Variants in VPS50 observed in about 807,000 individuals in gnomAD.
VPS50 encodes the protein VPS50 subunit of EARP/GARPII complex.
VPS50 carries 70 observed loss-of-function variants against 139.7 expected under a neutral mutation model. The ratio of observed to expected loss-of-function variants is 0.50; its 90% confidence interval spans 0.41 to 0.61. VPS50 has a LOEUF of 0.61. Among genes scored for constraint, VPS50 ranks in the 20% least tolerant of loss-of-function variants. VPS50 has a pLI of 0.00. For missense variants in VPS50, 921 were observed against 1,133.7 expected, an observed-to-expected ratio of 0.81 and a Z score of 2.69; for synonymous variants, 365 against 376.7, an observed-to-expected ratio of 0.97 and a Z score of 0.36.
chr7:93,327,346 G>T (rs1436539115), intron 21 of VPS50, among the ~76,000 whole-genome samples: 1 of 152,004 alleles, frequency 6.6e-6, no homozygotes, highest in Non-Finnish European at 1.5e-5. Context: ...AACAGTTCCA[G>T]ACCACATTAT....
At chr7:93,262,507 T>G (rs1332985786) in intron 9 of VPS50, among the ~76,000 whole-genome samples, 1 of 152,204 alleles carries the variant, frequency 6.6e-6, no homozygotes, top group Non-Finnish European at 1.5e-5. Context: ...CATGCTATGT[T>G]TAGATATGTG....
intron 11 of VPS50, among the ~76,000 whole-genome samples, chr7:93,274,302 C>T (rs76427975): frequency 2.0e-5 from 3 of 152,156 alleles, no homozygotes; most frequent in Non-Finnish European, 2.9e-5. Context: ...TAAGTCAATG[C>T]CTGGCTTCAA....
At chr7:93,314,816 A>G (rs1433528581) in intron 20 of VPS50, among the ~76,000 whole-genome samples, 3 of 151,796 alleles carry the variant, frequency 2.0e-5, no homozygotes, top group Admixed American at 2.0e-4. Context: ...CAAGAGATCC[A>G]CTCCTTCATT....
intron 9 of VPS50, among the ~76,000 whole-genome samples, chr7:93,266,808 G>A (rs1007281932): frequency 1.3e-5 from 2 of 152,120 alleles, no homozygotes; most frequent in Admixed American, 6.6e-5. Flanking sequence ...TTCTTTAAAA[G>A]CTGTACAGTT....
intron 21 of VPS50, among the ~76,000 whole-genome samples, chr7:93,328,282 A>G (rs573131663): frequency 1.3e-4 from 20 of 152,320 alleles, no homozygotes; most frequent in African/African-American, 4.6e-4. Flanking sequence ...GTAAACACAT[A>G]GCAGACACTC....
intron 15 of VPS50, 64 bp from the exon 16 acceptor site, chr7:93,297,081 A>T: frequency 1.3e-6 from 2 of 1,518,786 alleles, no homozygotes; most frequent in Non-Finnish European, 1.7e-6. Context: ...AGAAAGAGAA[A>T]CCACACTTCT....
At chr7:93,280,195 CT>C (rs556070432) in intron 12 of VPS50, among the ~76,000 whole-genome samples, 6 of 152,032 alleles carry the variant, frequency 3.9e-5, no homozygotes, top group East Asian at 1.9e-4. Context: ...GTTGAATGTA[CT>C]TTTTTTTCTT....
intron 11 of VPS50, 118 bp from the exon 12 acceptor site, chr7:93,276,047 A>G (rs1056277302): frequency 8.6e-5 from 82 of 949,896 alleles, no homozygotes; most frequent in Admixed American, 2.6e-5. Context: ...TGGGAAAACT[A>G]TTATCTTTGT....
intron 1 of VPS50, among the ~76,000 whole-genome samples, chr7:93,238,729 G>C (rs893538187): frequency 2.6e-5 from 4 of 152,110 alleles, no homozygotes; most frequent in African/African-American, 9.7e-5. Flanking sequence ...CATGATCCAA[G>C]GGTTATACTG....
intron 12 of VPS50, among the ~76,000 whole-genome samples, chr7:93,282,920 G>T (rs1239364512): frequency 6.6e-6 from 1 of 152,156 alleles, no homozygotes; most frequent in Non-Finnish European, 1.5e-5. Flanking sequence ...AGCTAATTTT[G>T]TAGTATATAA....
chr7:93,262,503 A>G (rs774754050), intron 9 of VPS50, among the ~76,000 whole-genome samples: 2 of 152,240 alleles, frequency 1.3e-5, no homozygotes, highest in African/African-American at 4.8e-5. Context: ...GAAGCATGCT[A>G]TGTTTAGATA....
At chr7:93,344,442 G>A (rs551225725) in intron 23 of VPS50, among the ~76,000 whole-genome samples, 1 of 152,162 alleles carries the variant, frequency 6.6e-6, no homozygotes, top group East Asian at 1.9e-4. Context: ...AGTTAACAAG[G>A]ATACCCAGGA....
chr7:93,276,529 A>C, intron 12 of VPS50: 27 of 563,356 alleles, frequency 4.8e-5, no homozygotes, highest in Non-Finnish European at 4.6e-5. Context: ...TTGCTTCTCA[A>C]TCGACTCTTT....
chr7:93,287,514 G>A (rs1796526914), intron 12 of VPS50, among the ~76,000 whole-genome samples: 1 of 150,092 alleles, frequency 6.7e-6, no homozygotes, highest in East Asian at 1.9e-4. Flanking sequence ...TTAATTTTCT[G>A]GTTTGTTAAA....
intron 21 of VPS50, among the ~76,000 whole-genome samples, chr7:93,325,435 C>T (rs1304632972): frequency 6.6e-6 from 1 of 151,662 alleles, no homozygotes; most frequent in African/African-American, 2.4e-5. Flanking sequence ...GCAACAAAAG[C>T]CAAAGTTGAC....
chr7:93,258,132 T>C (rs892483584), intron 6 of VPS50, 27 bp from the exon 7 acceptor site: 6 of 950,166 alleles, frequency 6.3e-6, no homozygotes, highest in Non-Finnish European at 1.0e-5. Context: ...TAAAAAACTT[T>C]TAACTATTTA....
At chr7:93,328,551 A>C (rs562568847) in intron 21 of VPS50, among the ~76,000 whole-genome samples, 129 of 152,350 alleles carry the variant, frequency 8.5e-4, no homozygotes, top group Non-Finnish European at 1.4e-3. Flanking sequence ...AGAAAAGGCA[A>C]CTATTTGAAG....
intron 16 of VPS50, among the ~76,000 whole-genome samples, chr7:93,302,295 A>G (rs1426782390): frequency 1.3e-5 from 2 of 150,456 alleles, no homozygotes; most frequent in African/African-American, 4.9e-5. Flanking sequence ...AATTGCCTGC[A>G]TAATAAATGT....
At chr7:93,308,999 A>G (rs1797193085) in intron 19 of VPS50, 57 bp downstream of exon 19, 2 of 906,762 alleles carry the variant, frequency 2.2e-6, no homozygotes, top group South Asian at 3.1e-5. Context: ...CTTAACATAT[A>G]GGATTTCCTT....
Sources: allele counts gnomAD v4.1 joint callset (sites outside exome capture counted in the v4.1 genomes callset), GRCh38; gene constraint gnomAD v4.1.1; transcripts MANE v1.5; gene names NCBI Gene and HGNC (gene_info 2026-07-23, HGNC 2026-07-21).